CSMD3: variants seen among roughly 807,000 people sequenced by gnomAD.
CSMD3 encodes CUB and sushi domain-containing protein 3.
In CSMD3, 177 loss-of-function variants were observed where a neutral mutation model predicts 435.2. The ratio of observed to expected loss-of-function variants is 0.41; its 90% CI spans 0.36 to 0.46. CSMD3 has a LOEUF of 0.46. CSMD3 is among the 20% of genes least tolerant of loss of function. The probability of loss-of-function intolerance (pLI) is 0.34; values close to 1 mark genes in which losing one functional copy is unlikely to be tolerated. For missense variants in CSMD3, 4,265 were observed against 4,504.6 expected, an observed-to-expected ratio of 0.95 and a Z score of 1.52; for synonymous variants, 1,656 against 1,520.5, an observed-to-expected ratio of 1.09 and a Z score of -2.07.
intron 13 of CSMD3, among the ~76,000 whole-genome samples, chr8:112,784,124 A>G (rs943961348): frequency 1.4e-4 from 21 of 152,048 alleles, no homozygotes; most frequent in African/African-American, 4.3e-4. Flanking sequence ...GAATAAAACT[A>G]GAAATAGATA....
intron 18 of CSMD3, among the ~76,000 whole-genome samples, chr8:112,655,018 T>G (rs1440505616): frequency 6.6e-6 from 1 of 152,192 alleles, no homozygotes; most frequent in Admixed American, 6.6e-5. Flanking sequence ...TATTGCATTT[T>G]ACCATGATTT....
chr8:113,210,090 C>T (rs117575429), intron 3 of CSMD3, among the ~76,000 whole-genome samples: 4,478 of 150,062 alleles, frequency 0.03, 86 homozygotes, highest in Admixed American at 0.04. Flanking sequence ...TTATTTTATG[C>T]TCTTGGATTT....
chr8:112,253,497 T>C (rs1815470011), intron 63 of CSMD3, among the ~76,000 whole-genome samples: 1 of 151,928 alleles, frequency 6.6e-6, no homozygotes, highest in African/African-American at 2.4e-5. Flanking sequence ...GGTCTTCAGG[T>C]TCACGCTGAA....
intron 13 of CSMD3, among the ~76,000 whole-genome samples, chr8:112,698,872 G>A: frequency 6.6e-6 from 1 of 152,106 alleles, no homozygotes; most frequent in East Asian, 1.9e-4. Flanking sequence ...GCACCAATCG[G>A]TGCTGTGTGT....
intron 32 of CSMD3, among the ~76,000 whole-genome samples, chr8:112,414,392 C>A (rs2123490): frequency 0.81 from 123,477 of 152,152 alleles, 50,644 homozygotes; most frequent in African/African-American, 0.92. Context: ...GCTGGCTCAC[C>A]CTGTGTCCTG....
intron 2 of CSMD3, among the ~76,000 whole-genome samples, chr8:113,304,636 C>T (rs369556767): frequency 2.7e-5 from 3 of 112,840 alleles, no homozygotes; most frequent in African/African-American, 6.8e-5. Context: ...AAATTGGAAA[C>T]CATCATTCTC....
At chr8:112,370,923 T>C (rs1210824419) in intron 38 of CSMD3, among the ~76,000 whole-genome samples, 10 of 152,138 alleles carry the variant, frequency 6.6e-5, no homozygotes. Context: ...TGAATGAAGA[T>C]ATAGGCATTG....
chr8:112,745,508 T>G (rs1356846983), intron 13 of CSMD3, among the ~76,000 whole-genome samples: 1 of 152,080 alleles, frequency 6.6e-6, no homozygotes, highest in Non-Finnish European at 1.5e-5. Flanking sequence ...TCTGTAAAAT[T>G]ATTATGCATA....
chr8:112,944,028 T>C (rs973252441), intron 9 of CSMD3, among the ~76,000 whole-genome samples: 1 of 151,668 alleles, frequency 6.6e-6, no homozygotes, highest in African/African-American at 2.4e-5. Flanking sequence ...AGCAGATTCA[T>C]TATCATCAAT....
intron 9 of CSMD3, among the ~76,000 whole-genome samples, chr8:112,945,681 C>A (rs570823380): frequency 6.7e-6 from 1 of 149,108 alleles, no homozygotes; most frequent in African/African-American, 2.5e-5. Flanking sequence ...GTATTTAAAA[C>A]AAAACATATC....
chr8:113,142,321 T>C (rs1250759303), intron 4 of CSMD3, among the ~76,000 whole-genome samples: 1 of 151,238 alleles, frequency 6.6e-6, no homozygotes, highest in Non-Finnish European at 1.5e-5. Context: ...AAAATTATTT[T>C]GAAAAAGTAG....
At chr8:113,079,817 T>C (rs2089484655) in intron 5 of CSMD3, among the ~76,000 whole-genome samples, 1 of 152,202 alleles carries the variant, frequency 6.6e-6, no homozygotes, top group East Asian at 1.9e-4. Context: ...GACTTCTTGA[T>C]TACTTGAAAT....
intron 28 of CSMD3, among the ~76,000 whole-genome samples, chr8:112,512,043 C>A (rs989236755): frequency 6.6e-6 from 1 of 152,240 alleles, no homozygotes; most frequent in African/African-American, 2.4e-5. Flanking sequence ...CTACTTCTAC[C>A]ACATCTGCAG....
chr8:112,386,788 C>T (rs948926322), intron 36 of CSMD3, among the ~76,000 whole-genome samples: 2 of 152,128 alleles, frequency 1.3e-5, no homozygotes, highest in East Asian at 1.9e-4. Context: ...TGAGCCACCG[C>T]GCCCGGCCCA....
At chr8:112,703,940 T>C (rs2076444235) in intron 13 of CSMD3, among the ~76,000 whole-genome samples, 1 of 152,128 alleles carries the variant, frequency 6.6e-6, no homozygotes, top group Admixed American at 6.6e-5. Context: ...AATCATGATG[T>C]AAACACTGAC....
chr8:113,336,403 T>A (rs1004553095), intron 1 of CSMD3, among the ~76,000 whole-genome samples: 1 of 152,160 alleles, frequency 6.6e-6, no homozygotes, highest in Non-Finnish European at 1.5e-5. Flanking sequence ...GTGAGATAAT[T>A]TTAAAATCTC....
intron 22 of CSMD3, among the ~76,000 whole-genome samples, chr8:112,628,610 T>C (rs1834689189): frequency 6.6e-6 from 1 of 152,152 alleles, no homozygotes; most frequent in East Asian, 1.9e-4. Context: ...AAGTTGAAAA[T>C]GTGGAAGTAA....
At chr8:112,410,608 ATATATATG>A (rs200988963) in intron 32 of CSMD3, among the ~76,000 whole-genome samples, 927 of 54,468 alleles carry the variant, frequency 0.017, 11 homozygotes, top group Middle Eastern at 0.036. Context: ...ATATGTGTAT[ATATATATG>A]TATATATATG....
At position 113,059,599 on chromosome 8, in the gene CSMD3, T is replaced by C. The variant is rs73702282; in HGVS notation, c.917+39157A>G. ...TATTTAAAATTGACATATTTCTTCA[T>C]AAATTTGAAAAGTGGCTTAAATGTT... On this transcript the variant is annotated intron_variant, in intron 5 of 70. Transcript: ENST00000297405. Among the ~76,000 whole-genome samples, 1,194 of 152,334 alleles carry C rather than the reference T, an allele frequency of 7.8e-3. 17 individuals are homozygous for C. The highest frequency in any genetic ancestry group is 0.027 in the African/African-American group (1,132 of 41,572).
Sources: gnomAD v4.1 joint callset for allele counts (sites outside exome capture counted in the v4.1 genomes callset) on GRCh38, gnomAD v4.1.1 for gene constraint, MANE v1.5 for transcripts, NCBI Gene and HGNC (gene_info 2026-07-23, HGNC 2026-07-21) for gene names.